The following RUNDC3B variants were observed in gnomAD, a reference collection of about 807,000 sequenced individuals.
RUNDC3B encodes the protein RUN domain-containing protein 3B.
A neutral mutation model predicts 58.4 loss-of-function variants in RUNDC3B; 33 were observed. That is an observed-to-expected ratio of 0.56 (90% CI 0.43 to 0.75). The LOEUF is 0.75. RUNDC3B is among the 30% of genes least tolerant of loss of function. RUNDC3B has a pLI of 0.00. For missense variants in RUNDC3B, 501 were observed against 535.7 expected (o/e 0.94, Z 0.64); for synonymous variants, 193 against 195.2 (o/e 0.99, Z 0.10).
At chr7:87,736,870 TATATATATATATATA>T (rs1449297342) in intron 4 of RUNDC3B, among the ~76,000 whole-genome samples, 5 of 39,026 alleles carry the variant, frequency 1.3e-4, no homozygotes, top group South Asian at 1.8e-3. Context: ...TATATATATA[TATATATATATATATA>T]TATATTTTTT....
intron 4 of RUNDC3B, among the ~76,000 whole-genome samples, chr7:87,735,779 G>A (rs1831890518): frequency 6.6e-6 from 1 of 152,004 alleles, no homozygotes; most frequent in Non-Finnish European, 1.5e-5. Context: ...CCTTCCATTT[G>A]TCTCTATCTC....
intron 4 of RUNDC3B, among the ~76,000 whole-genome samples, chr7:87,721,137 TATTATA>T (rs1360584163): frequency 6.6e-6 from 1 of 150,932 alleles, no homozygotes; most frequent in Non-Finnish European, 1.5e-5. Flanking sequence ...AGTATGATTA[TATTATA>T]ATTGTATATA....
rs547369800 is a variant in RUNDC3B, at chr7:87,707,417, T to C, written c.373-3153T>C. Among the ~76,000 whole-genome samples the C allele has an allele frequency of 2.0e-5, 3 of 152,304 alleles. No individual in the cohort carries two copies. The South Asian group carries it at 6.2e-4, about 32-fold the overall frequency. ...TTCAAAGGCCGGGTGTGATGGCCTT[T>C]AATCCCAGCACTTTGGGAGACCAAG... On this transcript the variant is annotated intron_variant, in intron 3 of 10. Coordinates refer to ENST00000394654, the MANE Select transcript of RUNDC3B (RefSeq NM_001134405.2).
chr7:87,830,880 T>C lies in RUNDC3B; in HGVS notation c.*850T>C, dbSNP rs1424982728. The C allele has an allele frequency of 4.0e-5, 6 of 151,744 alleles. No homozygotes were observed. The highest frequency in any genetic ancestry group is 1.5e-4 in the African/African-American group (6 of 41,376). The allele number at this position is 151,744 out of a possible 1,614,324, so 9.4% of individuals were successfully genotyped here. The stretch of plus-strand genomic sequence containing the variant: ...TTCAGTTAAGGATTTGAGAGGCTTT[T>C]AAACAAGGATCAGTAGGATAGTTAT... On this transcript the variant is annotated 3_prime_UTR_variant, in exon 11 of 11. Coordinates refer to ENST00000394654, the MANE Select transcript of RUNDC3B (RefSeq NM_001134405.2).
chr7:87,716,997 C>G (rs944149577), intron 4 of RUNDC3B, among the ~76,000 whole-genome samples: 1 of 152,158 alleles, frequency 6.6e-6, no homozygotes, highest in African/African-American at 2.4e-5. Context: ...CAGAGTCTCA[C>G]TATGTTGCCC....
intron 1 of RUNDC3B, among the ~76,000 whole-genome samples, chr7:87,633,208 T>C (rs1316602720): frequency 6.6e-6 from 1 of 152,252 alleles, no homozygotes; most frequent in Non-Finnish European, 1.5e-5. Flanking sequence ...AGTGCTTTAC[T>C]CAGCATTTAT....
At chr7:87,690,606 A>G (rs1375837116) in intron 2 of RUNDC3B, among the ~76,000 whole-genome samples, 1 of 152,146 alleles carries the variant, frequency 6.6e-6, no homozygotes, top group African/African-American at 2.4e-5. Flanking sequence ...AGATAGTCTC[A>G]TTGTTAGCTG....
chr7:87,723,379 A>T (rs1314056982), intron 4 of RUNDC3B, among the ~76,000 whole-genome samples: 1 of 152,206 alleles, frequency 6.6e-6, no homozygotes, highest in East Asian at 1.9e-4. Flanking sequence ...TACAGTAATA[A>T]CAATATCCTC....
chr7:87,777,935 T>C lies in RUNDC3B; in HGVS notation c.936T>C (p.Ile312=). 1 of 1,613,132 alleles carries C rather than the reference T, an allele frequency of 6.2e-7. No individual in the cohort carries two copies. The highest frequency in any genetic ancestry group is 8.5e-7 in the Non-Finnish European group (1 of 1,179,498). ...AGAAGGAACAATTAGAATATATAATTGTGGAGCTTCAAGATCAGCTGTAAG... is the reference window on the plus strand; with the variant it reads ...AGAAGGAACAATTAGAATATATAATCGTGGAGCTTCAAGATCAGCTGTAAG... ...KLEKEQLEYI[I]VELQDQLTVL... The change falls in exon 8 of 11, where the codon ATT becomes ATC. Residue 312 remains isoleucine, a synonymous_variant. Coordinates refer to ENST00000394654, the MANE Select transcript of RUNDC3B (RefSeq NM_001134405.2).
At chr7:87,715,316 T>G (rs1348149771) in intron 4 of RUNDC3B, among the ~76,000 whole-genome samples, 2 of 130,714 alleles carry the variant, frequency 1.5e-5, no homozygotes, top group Non-Finnish European at 3.1e-5. Flanking sequence ...TATAATTAAT[T>G]TATAATAATT....
At chr7:87,807,552 ATAG>A in intron 9 of RUNDC3B, 33 bp downstream of exon 9, 2 of 1,521,232 alleles carry the variant, frequency 1.3e-6, no homozygotes, top group Non-Finnish European at 1.8e-6. Context: ...CAACTAATTA[ATAG>A]TTAGTTGTAC....
At chr7:87,823,824 A>G (rs927107745) in intron 10 of RUNDC3B, among the ~76,000 whole-genome samples, 1 of 147,054 alleles carries the variant, frequency 6.8e-6, no homozygotes, top group Non-Finnish European at 1.5e-5. Context: ...ACACACACAC[A>G]TATATATATA....
chr7:87,676,346 TAATATCCAG>T (rs1438854399), intron 2 of RUNDC3B, among the ~76,000 whole-genome samples: 5 of 152,184 alleles, frequency 3.3e-5, no homozygotes, highest in African/African-American at 1.2e-4. Context: ...AATAAGGTGT[TAATATCCAG>T]AATATTTAAG....
chr7:87,695,267 T>C (rs981634011), intron 2 of RUNDC3B, among the ~76,000 whole-genome samples: 1 of 152,144 alleles, frequency 6.6e-6, no homozygotes, highest in African/African-American at 2.4e-5. Flanking sequence ...CTAATAAATA[T>C]AAACCTCAAC....
intron 2 of RUNDC3B, among the ~76,000 whole-genome samples, chr7:87,664,927 A>G (rs376306051): frequency 1.1e-4 from 17 of 152,134 alleles, no homozygotes; most frequent in East Asian, 9.6e-4. Flanking sequence ...AATTCTCAAC[A>G]ATTAAAGTAC....
At chr7:87,758,232 G>T (rs1377935072) in intron 6 of RUNDC3B, among the ~76,000 whole-genome samples, 1 of 152,162 alleles carries the variant, frequency 6.6e-6, no homozygotes, top group African/African-American at 2.4e-5. Context: ...CAAGGTGGGA[G>T]AATCACTTGA....
chr7:87,682,213 G>A (rs1029017181), intron 2 of RUNDC3B, among the ~76,000 whole-genome samples: 3 of 152,166 alleles, frequency 2.0e-5, no homozygotes, highest in Admixed American at 2.0e-4. Context: ...CGATTTCCAT[G>A]TTATCTGCAA....
In RUNDC3B at chr7:87,831,442, T is replaced by C. The variant is rs1208206596; in HGVS notation, c.*1412T>C. ...AATAAGTAGTAACAAGGCAAGTCTT[T>C]TATGTAAGACAGTCAAACAGTGTCA... On this transcript the variant is annotated 3_prime_UTR_variant, in exon 11 of 11. Transcript: ENST00000394654. 1 of 151,898 alleles carries C rather than the reference T, an allele frequency of 6.6e-6. No homozygotes were observed. Among genetic ancestry groups the C allele is most frequent in the Non-Finnish European group, 1.5e-5 (1 of 67,864 alleles). The allele number at this position is 151,898 out of a possible 1,614,324, so 9.4% of individuals were successfully genotyped here.
chr7:87,703,885 CTTT>C lies in RUNDC3B; in HGVS notation c.372+3356_372+3358del. Reference sequence around the variant, plus strand: ...CTTAGGTGAGCTTTATCAGTTTTTTCTTTTTTTTTTTTTTTTTTTTTTTTTTTG... The same window carrying C: ...CTTAGGTGAGCTTTATCAGTTTTTTCTTTTTTTTTTTTTTTTTTTTTTTTG... On this transcript the variant is annotated intron_variant, in intron 3 of 10. Coordinates refer to ENST00000394654, the MANE Select transcript of RUNDC3B (RefSeq NM_001134405.2). Among the ~76,000 whole-genome samples, 347 of 60,272 alleles carry C rather than the reference CTTT, an allele frequency of 5.8e-3. 1 individual carries two copies. The highest frequency in any genetic ancestry group is 0.021 in the African/African-American group (333 of 15,980). 39.5% of individuals were successfully genotyped at this position (60,272 alleles called of 152,430 possible). A position where few individuals can be genotyped will look rare whatever the true frequency, so the allele number is the denominator to read the frequency against.
Sources: allele counts gnomAD v4.1 joint callset (sites outside exome capture counted in the v4.1 genomes callset), GRCh38; gene constraint gnomAD v4.1.1; transcripts MANE v1.5; gene names NCBI Gene and HGNC (gene_info 2026-07-23, HGNC 2026-07-21).